The following CIZ1 variants were observed in gnomAD, a reference collection of about 807,000 sequenced individuals.
CIZ1 encodes the protein cip1-interacting zinc finger protein.
CIZ1 carries 58 observed loss-of-function variants against 118.6 expected under a neutral mutation model. That is an observed-to-expected ratio of 0.49 (90% CI 0.40 to 0.61). The LOEUF (loss-of-function observed/expected upper bound fraction) is 0.61, where lower values mean the gene tolerates loss of function less well. Ranked by LOEUF, CIZ1 falls within the 20% of genes least tolerant of loss-of-function variation. CIZ1 has a pLI of 0.00. For synonymous variants in CIZ1, 448 were observed against 443.4 expected, an observed-to-expected ratio of 1.01 and a Z score of -0.13; for missense variants, 921 against 1,115.9, an observed-to-expected ratio of 0.83 and a Z score of 2.49.
At chr9:128,167,002 C>T in intron 15 of CIZ1, 93 bp downstream of exon 15, 2 of 1,591,368 alleles carry the variant, frequency 1.3e-6, no homozygotes, top group Non-Finnish European at 1.7e-6. Flanking sequence ...GGCTTCCCAG[C>T]CAGAATGCCA....
intron 4 of CIZ1, 72 bp from the exon 5 acceptor site, chr9:128,185,848 T>C (rs1261326726): frequency 2.0e-6 from 2 of 1,014,188 alleles, no homozygotes; most frequent in Non-Finnish European, 3.1e-6. Flanking sequence ...CAGGCATCAG[T>C]GCCCCAGAGC....
chr9:128,190,389 A>C lies in CIZ1; in HGVS notation c.226T>G (p.Ser76Ala). 6.2e-7 allele frequency: 1 copy of C among 1,614,006 alleles called. No individual in the cohort carries two copies. Among genetic ancestry groups the C allele is most frequent in the Non-Finnish European group, 8.5e-7 (1 of 1,179,938 alleles). ...QPLLNLQGTN[S>A]ASLLNGSMLQ... is the part of the protein sequence containing the mutation. ...ATGGAGCCGTTGAGGAGGGAGGCTGAGTTGGTGCCCTGGAGATTCAGAAGC... is the reference window on the plus strand; with the variant it reads ...ATGGAGCCGTTGAGGAGGGAGGCTGCGTTGGTGCCCTGGAGATTCAGAAGC... Residue 76 changes from serine (S) to alanine (A), a missense_variant, in exon 3 of 17, where the codon TCA becomes GCA. By Grantham distance (99) the Ser-to-Ala change is moderately conservative. Transcript: ENST00000372938.
chr9:128,190,333 C>A lies in CIZ1; in HGVS notation c.282G>T (p.Leu94Phe). The change falls in exon 3 of 17, where the codon TTG (leucine) becomes TTT (phenylalanine). Residue 94 changes from leucine to phenylalanine, a missense_variant. Transcript: ENST00000372938. The part of the protein sequence containing the change: ...MLQRALLLQQ[L>F]QGLDQFAMPP... Reference sequence around the variant, plus strand: ...GAGGCCTGGGGCCATCCATACCTTGCAACTGCTGTAAAAGCAAAGCTCTCT... The same window carrying A: ...GAGGCCTGGGGCCATCCATACCTTGAAACTGCTGTAAAAGCAAAGCTCTCT... 1 of 1,611,498 alleles carries A rather than the reference C, an allele frequency of 6.2e-7. No homozygotes were observed. Among genetic ancestry groups the A allele is most frequent in the Non-Finnish European group, 8.5e-7 (1 of 1,177,946 alleles).
intron 11 of CIZ1, among the ~76,000 whole-genome samples, chr9:128,173,763 T>C (rs893326986): frequency 6.6e-6 from 1 of 151,814 alleles, no homozygotes; most frequent in African/African-American, 2.4e-5. Context: ...TCCCAGCACT[T>C]TGGGAGGCCA....
rs752989026 is a variant in CIZ1, at chr9:128,170,097, G to A, written c.1954C>T (p.Pro652Ser). ...VLETEDEEPPPRRWCNTCQLY... is the reference protein window; with the variant it reads ...VLETEDEEPPSRRWCNTCQLY... The stretch of plus-strand genomic sequence containing the variant: ...TGGCAGGTGTTGCACCAGCGCCTTG[G>A]TGGAGGCTCCCTGAATGACAACAGT... Residue 652 changes from proline (P) to serine (S), a missense_variant, in exon 12 of 17, where the codon CCA becomes TCA. Transcript: ENST00000372938. 2 of 1,594,416 alleles carry A rather than the reference G, an allele frequency of 1.3e-6. No homozygotes were observed. Among genetic ancestry groups the A allele is most frequent in the Non-Finnish European group, 1.7e-6 (2 of 1,169,412 alleles).
chr9:128,179,380 T>C lies in CIZ1; in HGVS notation c.827A>G (p.Gln276Arg), dbSNP rs371548874. The change falls in exon 8 of 17, where the codon CAG (glutamine) becomes CGG (arginine). Residue 276 changes from glutamine to arginine, a missense_variant. Physicochemically the swap from Gln to Arg is conservative, Grantham distance 43. Transcript: ENST00000372938. Reference sequence around the variant, plus strand: ...CTGCGGCTGGGCCTTCACCTGTAACTGCCCTGGAGGTTCCTTCTCTGTGGG... The same window carrying C: ...CTGCGGCTGGGCCTTCACCTGTAACCGCCCTGGAGGTTCCTTCTCTGTGGG... ...EEPTEKEPPG[Q>R]LQVKAQPQAR... The C allele has an allele frequency of 7.3e-5, 117 of 1,608,856 alleles. No individual in the cohort carries two copies. The highest frequency in any genetic ancestry group is 9.8e-5 in the Non-Finnish European group (116 of 1,178,196).
chr9:128,179,970 C>T (rs1588182092), intron 7 of CIZ1, among the ~76,000 whole-genome samples: 2 of 152,206 alleles, frequency 1.3e-5, no homozygotes, highest in African/African-American at 4.8e-5. Context: ...CCACATACAG[C>T]CCAAGACTTG....
chr9:128,203,579 G>T lies in CIZ1; in HGVS notation c.-6+607C>A. On this transcript the variant is annotated intron_variant, in intron 1 of 17. Coordinates refer to the CIZ1 transcript ENST00000372948. This position sits in a 1 kb window ranked among gnomAD's most constrained non-coding sequence, Gnocchi z 5.3. ...CCTCGACCTGCCGCAGATCGCTGTG[G>T]TGGGCGGCCAGAGCGCCGGCAAGAG... 1 of 1,551,216 alleles carries T rather than the reference G, an allele frequency of 6.4e-7. No homozygotes were observed. Among genetic ancestry groups the T allele is most frequent in the Non-Finnish European group, 8.7e-7 (1 of 1,152,474 alleles).
At chr9:128,169,791 G>A in intron 12 of CIZ1, 1 of 1,347,432 alleles carries the variant, frequency 7.4e-7, no homozygotes, top group Non-Finnish European at 1.0e-6. Flanking sequence ...TAACCCCTGT[G>A]AGCCCCGTGG....
upstream of CIZ1, among the ~76,000 whole-genome samples, chr9:128,194,614 C>T (rs531851689): frequency 6.6e-6 from 1 of 152,114 alleles, no homozygotes; most frequent in Non-Finnish European, 1.5e-5. Context: ...GTCAGGAGTT[C>T]GAGACCAGCC....
At chr9:128,167,347 C>T in intron 14 of CIZ1, 183 bp from the exon 15 acceptor site, 1 of 586,328 alleles carries the variant, frequency 1.7e-6, no homozygotes, top group Non-Finnish European at 3.0e-6. Context: ...AGTGCTCTTC[C>T]CAATCTATAC....
Position 128,179,426 on chromosome 9 carries a change from TC to T in CIZ1, c.792-12del, listed in dbSNP as rs1178951957. 1 of 1,551,598 alleles carries T rather than the reference TC, an allele frequency of 6.4e-7. No homozygotes were observed. The highest frequency in any genetic ancestry group is 8.7e-7 in the Non-Finnish European group (1 of 1,154,066). ...GTGGGCTCTTCTGAGCTAGGAAGGA[TC>T]AAAAAAAAATCCCAGTCATGTCTTC... On this transcript the variant is annotated splice_polypyrimidine_tract_variant and intron_variant, in intron 7 of 16. Coordinates refer to ENST00000372938, the MANE Select transcript of CIZ1 (RefSeq NM_001131016.2).
intron 11 of CIZ1, among the ~76,000 whole-genome samples, chr9:128,175,175 A>G (rs1830703458): frequency 6.6e-6 from 1 of 152,178 alleles, no homozygotes; most frequent in Non-Finnish European, 1.5e-5. Flanking sequence ...TTACTTTGAC[A>G]TTGCATCACC....
intron 7 of CIZ1, among the ~76,000 whole-genome samples, chr9:128,180,191 C>T (rs1453499243): frequency 1.3e-5 from 2 of 152,128 alleles, no homozygotes; most frequent in Non-Finnish European, 2.9e-5. Flanking sequence ...TCCAGCTTGG[C>T]CCCCAGGTGG....
chr9:128,193,088 G>C (rs73609307), upstream of CIZ1, among the ~76,000 whole-genome samples: 2,956 of 152,320 alleles, frequency 0.019, 90 homozygotes, highest in African/African-American at 0.065. Context: ...CTGGCTCTGC[G>C]GCAGATGGGC....
At chr9:128,175,047 G>A (rs1033863423) in intron 11 of CIZ1, among the ~76,000 whole-genome samples, 4 of 152,146 alleles carry the variant, frequency 2.6e-5, no homozygotes, top group South Asian at 2.1e-4. Flanking sequence ...ATGAATCCCC[G>A]ACACCTCAAG....
chr9:128,166,505 T>C lies in CIZ1; in HGVS notation c.2488-99A>G. ...CCAGCTCTGGCTGAGACAGTATTAGTGTGCTCTGTGACCCTGCGTGATGCA... is the reference window on the plus strand; with the variant it reads ...CCAGCTCTGGCTGAGACAGTATTAGCGTGCTCTGTGACCCTGCGTGATGCA... On this transcript the variant is annotated intron_variant, in intron 16 of 16. Transcript: ENST00000372938. The surrounding 1 kb of genome is among the most constrained non-coding windows in gnomAD (Gnocchi z 4.4). 1 of 1,103,664 alleles carries C rather than the reference T, an allele frequency of 9.1e-7. No individual in the cohort carries two copies. Among genetic ancestry groups the C allele is most frequent in the African/African-American group, 1.6e-5 (1 of 63,458 alleles). 68.4% of individuals were successfully genotyped at this position (1,103,664 alleles called of 1,614,324 possible).
At chr9:128,190,187 G>C (rs1233568775) in intron 3 of CIZ1, 142 bp downstream of exon 3, 1 of 638,636 alleles carries the variant, frequency 1.6e-6, no homozygotes, top group East Asian at 2.7e-5. Flanking sequence ...ACCTCCTGGA[G>C]CCTTAGTGTC....
At position 128,191,456 on chromosome 9, in the gene CIZ1, G is replaced by A. The variant is rs1310247194; in HGVS notation, c.-30C>T. 1.0e-6 allele frequency: 1 copy of A among 982,210 alleles called. No individual in the cohort carries two copies. The highest frequency in any genetic ancestry group is 4.6e-5 in the South Asian group (1 of 21,880). 60.8% of individuals were successfully genotyped at this position (982,210 alleles called of 1,614,324 possible). On this transcript the variant is annotated 5_prime_UTR_variant, in exon 1 of 17. Transcript: ENST00000372938. The surrounding 1 kb of genome is among the most constrained non-coding windows in gnomAD (Gnocchi z 5.5). Reference sequence around the variant, plus strand: ...CCTCGCCTCCCCGCGCGCCCTCAACGCTCAAGTCGCCCCCACGGATGGGCC... The same window carrying A: ...CCTCGCCTCCCCGCGCGCCCTCAACACTCAAGTCGCCCCCACGGATGGGCC...
Sources: allele counts gnomAD v4.1 joint callset (sites outside exome capture counted in the v4.1 genomes callset), GRCh38; gene constraint gnomAD v4.1.1; non-coding constraint Gnocchi (gnomAD v3.1); transcripts MANE v1.5; gene names NCBI Gene and HGNC (gene_info 2026-07-23, HGNC 2026-07-21).